Variants in MACF1 observed in about 807,000 individuals in gnomAD.
The protein encoded by MACF1 is microtubule-actin cross-linking factor 1.
Under a neutral mutation model 854.8 loss-of-function variants are expected in MACF1, and 193 were observed. The observed-to-expected ratio is 0.23, with a 90% confidence interval of 0.20 to 0.25. The LOEUF is 0.25. MACF1 is among the 10% of genes least tolerant of loss of function. The probability of loss-of-function intolerance (pLI) is 1.00; values close to 1 mark genes in which losing one functional copy is unlikely to be tolerated. For synonymous variants in MACF1, 3,185 were observed against 3,226.7 expected, an observed-to-expected ratio of 0.99 and a Z score of 0.44; for missense variants, 7,722 against 8,929.1, an observed-to-expected ratio of 0.86 and a Z score of 5.45.
Position 39,250,039 on chromosome 1 carries a change from A to G in MACF1, c.197A>G (p.Tyr66Cys). ...MKVRKHINDLYEDLRDGHNLI... is the reference protein window; with the variant it reads ...MKVRKHINDLCEDLRDGHNLI... ...GTCCGCAAGCACATCAATGATCTTT[A>G]TGAAGATCTGCGGGATGGCCATAAC... The change falls in exon 3 of 101, where the codon TAT (tyrosine) becomes TGT (cysteine). Residue 66 changes from tyrosine to cysteine, a missense_variant. By Grantham distance (194) the Tyr-to-Cys change is radical. This residue lies in a region of MACF1 where 82 missense variants were observed against 84.0 expected (regional missense o/e 0.98). Coordinates refer to ENST00000564288, the MANE Select transcript of MACF1 (RefSeq NM_001394062.1). 1 of 1,613,482 alleles carries G rather than the reference A, an allele frequency of 6.2e-7. No homozygotes were observed. Among genetic ancestry groups the G allele is most frequent in the African/African-American group, 1.3e-5 (1 of 75,038 alleles).
Position 39,361,397 on chromosome 1 carries a change from T to C in MACF1, c.12491T>C (p.Leu4164Ser). 2 of 1,613,932 alleles carry C rather than the reference T, an allele frequency of 1.2e-6. No homozygotes were observed. The highest frequency in any genetic ancestry group is 1.7e-6 in the Non-Finnish European group (2 of 1,179,960). Residue 4164 changes from leucine (L) to serine (S), a missense_variant, in exon 49 of 101, where the codon TTG (leucine) becomes TCG (serine). Transcript: ENST00000564288. ...GACATTGCTCGGCAAAAGAGCAGCT[T>C]GGAGGCCACCCGTGAGATGGTGACC... Reference protein sequence around the residue: ...KQDIARQKSSLEATREMVTRF... With the variant: ...KQDIARQKSSSEATREMVTRF...
At chr1:39,309,862 C>T (rs907148147) in intron 24 of MACF1, among the ~76,000 whole-genome samples, 166 bp downstream of exon 24, 3 of 152,280 alleles carry the variant, frequency 2.0e-5, no homozygotes, top group South Asian at 4.1e-4. Context: ...CTAGAAGCAG[C>T]AATTTGAATG....
intron 6 of MACF1, chr1:39,269,646 T>C: frequency 7.8e-7 from 1 of 1,289,706 alleles, no homozygotes; most frequent in Non-Finnish European, 1.0e-6. Context: ...TGAAAAGAGC[T>C]CTACTTCCTT....
At chr1:39,197,830 G>A (rs1041505261) in intron 2 of MACF1, among the ~76,000 whole-genome samples, 2 of 152,194 alleles carry the variant, frequency 1.3e-5, no homozygotes, top group African/African-American at 4.8e-5. Context: ...AGGCTGTAGT[G>A]AGCTATGATC....
intron 15 of MACF1, among the ~76,000 whole-genome samples, chr1:39,291,501 T>C (rs1645789507): frequency 6.6e-6 from 1 of 152,178 alleles, no homozygotes; most frequent in African/African-American, 2.4e-5. Context: ...CATTGGCCAG[T>C]AGTTGATGTC....
chr1:39,364,452 T>C (rs1648495785), intron 49 of MACF1, among the ~76,000 whole-genome samples: 2 of 152,014 alleles, frequency 1.3e-5, no homozygotes, highest in South Asian at 4.1e-4. Flanking sequence ...GTTTCCCAGA[T>C]TGTGCTTTTG....
intron 2 of MACF1, among the ~76,000 whole-genome samples, chr1:39,178,395 G>A (rs560372): frequency 0.035 from 5,392 of 152,150 alleles, 254 homozygotes; most frequent in African/African-American, 0.11. Context: ...TAGTTTGTAA[G>A]TCTTTGCTCT....
chr1:39,225,638 G>A (rs922258676), intron 1 of MACF1, among the ~76,000 whole-genome samples: 2 of 152,206 alleles, frequency 1.3e-5, no homozygotes, highest in Non-Finnish European at 2.9e-5. Flanking sequence ...AGAGATGCTG[G>A]TGGTGGGGAG....
At chr1:39,397,439 G>A (rs1192214285) in intron 58 of MACF1, among the ~76,000 whole-genome samples, 1 of 152,034 alleles carries the variant, frequency 6.6e-6, no homozygotes, top group African/African-American at 2.4e-5. Flanking sequence ...GCGAGCGCCT[G>A]TAATCCCAGC....
intron 58 of MACF1, chr1:39,410,753 C>T: frequency 6.2e-7 from 1 of 1,613,960 alleles, no homozygotes. Context: ...GCTTCAAATC[C>T]TTCCTTGCAA....
intron 14 of MACF1, 107 bp from the exon 15 acceptor site, chr1:39,287,179 C>T (rs1645661683): frequency 2.4e-6 from 3 of 1,241,962 alleles, no homozygotes; most frequent in Non-Finnish European, 3.3e-6. Flanking sequence ...TAGGCTGGCT[C>T]ATTTTTATTT....
rs978819038 is a variant in MACF1, at chr1:39,433,575, C to T, written c.17565+420C>T. ...GGTTTGTAGACAAGTTTTTTCATTT[C>T]GTTTTGTTTTGTTTCATAAAGGATA... On this transcript the variant is annotated intron_variant, in intron 68 of 100. Coordinates refer to ENST00000564288, the MANE Select transcript of MACF1 (RefSeq NM_001394062.1). Among the ~76,000 whole-genome samples, 5 of 152,060 alleles carry T rather than the reference C, an allele frequency of 3.3e-5. No individual in the cohort carries two copies. The South Asian group carries it at 6.2e-4, about 19-fold the overall frequency.
chr1:39,229,019 T>G, intron 1 of MACF1, among the ~76,000 whole-genome samples: 1 of 152,222 alleles, frequency 6.6e-6, no homozygotes, highest in Non-Finnish European at 1.5e-5. Context: ...GAAAGCAGAT[T>G]ATGACATTTT....
chr1:39,096,919 C>T (rs1641952323), intron 2 of MACF1, among the ~76,000 whole-genome samples: 1 of 149,454 alleles, frequency 6.7e-6, no homozygotes, highest in African/African-American at 2.5e-5. Context: ...CTCTGTCACC[C>T]ACGCTGGAGT....
chr1:39,350,123 G>A (rs1260849614), intron 42 of MACF1, among the ~76,000 whole-genome samples: 1 of 152,192 alleles, frequency 6.6e-6, no homozygotes, highest in Non-Finnish European at 1.5e-5. Flanking sequence ...AGAACATATA[G>A]CAGAGAGACC....
chr1:39,210,596 C>T (rs568289703), intron 1 of MACF1, among the ~76,000 whole-genome samples: 1 of 152,068 alleles, frequency 6.6e-6, no homozygotes. Flanking sequence ...GCTCTAAGCT[C>T]TTGCTCTTCT....
At chr1:39,448,906 T>C (rs1323025968) in intron 84 of MACF1, 143 bp downstream of exon 84, 1 of 505,920 alleles carries the variant, frequency 2.0e-6, no homozygotes, top group African/African-American at 2.0e-5. Context: ...GTTCAAAGAC[T>C]GTTATAATTT....
intron 2 of MACF1, among the ~76,000 whole-genome samples, chr1:39,116,787 A>G (rs527250403): frequency 6.6e-6 from 1 of 152,312 alleles, no homozygotes; most frequent in South Asian, 2.1e-4. Context: ...CTTGACATAG[A>G]GAGAGGCTTT....
At chr1:39,430,950 T>C in intron 66 of MACF1, 42 bp downstream of exon 66, 1 of 1,551,330 alleles carries the variant, frequency 6.4e-7, no homozygotes, top group South Asian at 1.1e-5. Flanking sequence ...TTAGACAGTA[T>C]TGATGTGTGA....
Sources: allele counts gnomAD v4.1 joint callset (sites outside exome capture counted in the v4.1 genomes callset), GRCh38; gene constraint gnomAD v4.1.1; regional missense constraint gnomAD v4.1.1; transcripts MANE v1.5; gene names NCBI Gene and HGNC (gene_info 2026-07-23, HGNC 2026-07-21).